Variants in TACR1 observed in about 807,000 individuals in gnomAD.
TACR1 encodes substance-P receptor.
In TACR1, 25 loss-of-function variants were observed where a neutral mutation model predicts 35.8. The ratio of observed to expected loss-of-function variants is 0.70; its 90% CI spans 0.51 to 0.98. The LOEUF (loss-of-function observed/expected upper bound fraction) is 0.98, where lower values mean the gene tolerates loss of function less well. Among genes scored for constraint, TACR1 ranks in the 50% least tolerant of loss-of-function variants. The pLI is 0.00. For missense variants in TACR1, 478 were observed against 522.9 expected (o/e 0.91, Z 0.84); for synonymous variants, 195 against 206.7 (o/e 0.94, Z 0.48).
intron 2 of TACR1, among the ~76,000 whole-genome samples, chr2:75,106,052 T>C (rs1360178448): frequency 1.3e-5 from 2 of 152,068 alleles, no homozygotes; most frequent in Non-Finnish European, 2.9e-5. Context: ...TTCATTGTGA[T>C]AAATGTACTA....
At chr2:75,062,968 A>G (rs1461444326) in intron 2 of TACR1, among the ~76,000 whole-genome samples, 1 of 152,242 alleles carries the variant, frequency 6.6e-6, no homozygotes, top group East Asian at 1.9e-4. Context: ...TATTGGACTT[A>G]TAGTTCCACA....
At chr2:75,064,943 A>T (rs893773681) in intron 2 of TACR1, among the ~76,000 whole-genome samples, 1 of 152,180 alleles carries the variant, frequency 6.6e-6, no homozygotes, top group Admixed American at 6.5e-5. Context: ...GTGGAGAGGG[A>T]GACCCTGCCT....
At chr2:75,088,624 T>G (rs1254946186) in intron 2 of TACR1, among the ~76,000 whole-genome samples, 1 of 152,080 alleles carries the variant, frequency 6.6e-6, no homozygotes, top group African/African-American at 2.4e-5. Flanking sequence ...TTCCTGCAGG[T>G]GCTGTCTGCA....
intron 1 of TACR1, among the ~76,000 whole-genome samples, chr2:75,167,107 A>G (rs1558578186): frequency 6.6e-6 from 1 of 152,236 alleles, no homozygotes; most frequent in Non-Finnish European, 1.5e-5. Flanking sequence ...CAATGAAACT[A>G]AAATGTGCAG....
chr2:75,107,188 A>T (rs2058862), intron 2 of TACR1, among the ~76,000 whole-genome samples: 52,816 of 151,826 alleles, frequency 0.35, 11,861 homozygotes, highest in Non-Finnish European at 0.5. Flanking sequence ...TAAATGTATA[A>T]TCTATAGTGA....
intron 1 of TACR1, among the ~76,000 whole-genome samples, chr2:75,169,384 C>G (rs1675221895): frequency 6.6e-6 from 1 of 152,126 alleles, no homozygotes; most frequent in African/African-American, 2.4e-5. Flanking sequence ...CCTTGCATAT[C>G]TGAGAATATC....
At chr2:75,195,439 C>T (rs1572995812) in intron 1 of TACR1, among the ~76,000 whole-genome samples, 1 of 151,864 alleles carries the variant, frequency 6.6e-6, no homozygotes, top group South Asian at 2.1e-4. Flanking sequence ...GACCCCACCC[C>T]ACCTTTCCTG....
rs2103772367 is a variant in TACR1 at position 75,047,565 on chromosome 2, A to G, written c.*1867T>C. The G allele has an allele frequency of 6.6e-6, 1 of 152,376 alleles. No individual in the cohort carries two copies. 9.4% of individuals were successfully genotyped at this position (152,376 alleles called of 1,614,324 possible). A position where few individuals can be genotyped will look rare whatever the true frequency, so the allele number is the denominator to read the frequency against. On this transcript the variant is annotated 3_prime_UTR_variant, in exon 5 of 5. Coordinates refer to ENST00000305249, the MANE Select transcript of TACR1 (RefSeq NM_001058.4). ...TCTCATAATCATGTTAGCTCTTTAC[A>G]TTCTTCCAAAGTGAGTAATCCATAC...
intron 2 of TACR1, among the ~76,000 whole-genome samples, chr2:75,057,954 A>C (rs1288658168): frequency 6.6e-6 from 1 of 152,208 alleles, no homozygotes; most frequent in East Asian, 1.9e-4. Flanking sequence ...CTAAGCTGGC[A>C]TTCTAGGTTT....
At chr2:75,071,483 A>G (rs1356841314) in intron 2 of TACR1, among the ~76,000 whole-genome samples, 2 of 152,222 alleles carry the variant, frequency 1.3e-5, no homozygotes, top group East Asian at 3.8e-4. Context: ...ACATCGACTT[A>G]CATTTTCATT....
chr2:75,194,802 C>T (rs1675925483), intron 1 of TACR1, among the ~76,000 whole-genome samples: 1 of 152,066 alleles, frequency 6.6e-6, no homozygotes, highest in Admixed American at 6.5e-5. Flanking sequence ...TTATGCTTGC[C>T]CCTACCAGGT....
At chr2:75,153,509 C>G (rs1674721106) in intron 1 of TACR1, among the ~76,000 whole-genome samples, 1 of 152,214 alleles carries the variant, frequency 6.6e-6, no homozygotes, top group Non-Finnish European at 1.5e-5. Flanking sequence ...TAAAGGCGTT[C>G]AGTTTTACAA....
chr2:75,083,936 T>G (rs955112270), intron 2 of TACR1, among the ~76,000 whole-genome samples: 16 of 152,278 alleles, frequency 1.1e-4, no homozygotes, highest in African/African-American at 3.9e-4. Context: ...CCTGCCTGAT[T>G]GCCCTGGCCA....
chr2:75,181,354 G>A lies in TACR1; in HGVS notation c.389+17192C>T, dbSNP rs10185571. ...AAAATAATTTAAAAAGAAAAAAAAG[G>A]AAATATAATCTGAGCAGGTTCATTA... On this transcript the variant is annotated intron_variant, in intron 1 of 4. Coordinates refer to ENST00000305249, the MANE Select transcript of TACR1 (RefSeq NM_001058.4). 3.0e-3 allele frequency among the ~76,000 whole-genome samples: 461 copies of A among 151,744 alleles called. 6 individuals carry two copies. The highest frequency in any genetic ancestry group is 0.01 in the African/African-American group (427 of 41,398).
Position 75,196,232 on chromosome 2 carries a change from A to T in TACR1, c.389+2314T>A, listed in dbSNP as rs1675969622. ...GATAACTTACAGGGAGAGGACTTAA[A>T]GCCCCCTTTCTTTCCAATACATTCT... On this transcript the variant is annotated intron_variant, in intron 1 of 4. Coordinates refer to ENST00000305249, the MANE Select transcript of TACR1 (RefSeq NM_001058.4). Among the ~76,000 whole-genome samples, 3 of 152,224 alleles carry T rather than the reference A, an allele frequency of 2.0e-5. No individual in the cohort carries two copies. In the South Asian group the frequency reaches 6.2e-4, roughly 32 times the overall value.
chr2:75,089,072 A>G (rs1267045522), intron 2 of TACR1, among the ~76,000 whole-genome samples: 3 of 152,170 alleles, frequency 2.0e-5, no homozygotes, highest in Admixed American at 6.5e-5. Context: ...CACAGGTTCA[A>G]TTAACTTCAC....
intron 1 of TACR1, among the ~76,000 whole-genome samples, chr2:75,155,913 G>C (rs1674838376): frequency 6.6e-6 from 1 of 152,176 alleles, no homozygotes; most frequent in Non-Finnish European, 1.5e-5. Context: ...AAGCTGGCCT[G>C]CTGCCTATTT....
At chr2:75,072,405 T>A (rs1339196781) in intron 2 of TACR1, among the ~76,000 whole-genome samples, 2 of 152,184 alleles carry the variant, frequency 1.3e-5, no homozygotes, top group African/African-American at 2.4e-5. Context: ...CGTCTTTTGC[T>A]GGCATTCCTT....
At chr2:75,145,480 G>T (rs1674488274) in intron 1 of TACR1, among the ~76,000 whole-genome samples, 1 of 152,056 alleles carries the variant, frequency 6.6e-6, no homozygotes, top group Non-Finnish European at 1.5e-5. Context: ...AAAAACCAAA[G>T]AAAATCAACT....
Sources: gnomAD v4.1 joint callset for allele counts (sites outside exome capture counted in the v4.1 genomes callset) on GRCh38, gnomAD v4.1.1 for gene constraint, MANE v1.5 for transcripts, NCBI Gene and HGNC (gene_info 2026-07-23, HGNC 2026-07-21) for gene names.